The following HUWE1 variants were observed in gnomAD, a reference collection of about 807,000 sequenced individuals.
HUWE1 encodes E3 ubiquitin-protein ligase HUWE1.
A neutral mutation model predicts 299.4 loss-of-function variants in HUWE1; 18 were observed. The observed-to-expected ratio is 0.06, with a 90% CI of 0.04 to 0.09. The LOEUF is 0.09. Among genes scored for constraint, HUWE1 ranks in the 10% least tolerant of loss-of-function variants. The pLI is 1.00. For missense variants in HUWE1, 1,832 were observed against 3,462.3 expected, an observed-to-expected ratio of 0.53 and a Z score of 11.82; for synonymous variants, 1,317 against 1,286.1, an observed-to-expected ratio of 1.02 and a Z score of -0.51.
intron 32 of HUWE1, 56 bp from the exon 33 acceptor site, chrX:53,592,684 A>G: frequency 1.1e-6 from 1 of 891,108 alleles, no homozygotes; most frequent in Non-Finnish European, 1.6e-6. Flanking sequence ...CAAAGCTCAG[A>G]AGGATTAAGT....
intron 40 of HUWE1, 89 bp downstream of exon 40, chrX:53,584,923 G>A (rs1556971768): frequency 1.0e-6 from 1 of 983,509 alleles, no homozygotes; most frequent in African/African-American, 1.9e-5. Flanking sequence ...AAACCTCAAT[G>A]TGTGGTGTTG....
chrX:53,622,212 C>A (rs782173384), intron 19 of HUWE1, among the ~76,000 whole-genome samples: 2 of 111,369 alleles, frequency 1.8e-5, no homozygotes, highest in South Asian at 7.7e-4. Flanking sequence ...TACAATGATG[C>A]CCCCCTGTTG....
At chrX:53,612,245 G>A (rs2148782868) in intron 23 of HUWE1, among the ~76,000 whole-genome samples, 1 of 112,076 alleles carries the variant, frequency 8.9e-6, no homozygotes, top group Admixed American at 9.4e-5. Flanking sequence ...GTGAAAAAAT[G>A]TATGTGTCAA....
intron 51 of HUWE1, 51 bp downstream of exon 51, chrX:53,564,523 G>A (rs781987845): frequency 8.4e-7 from 1 of 1,195,806 alleles, no homozygotes; most frequent in Admixed American, 2.2e-5. Flanking sequence ...ACCTGGCAAG[G>A]GTTTGGTTCA....
At chrX:53,657,298 G>A (rs1344509786) in intron 3 of HUWE1, among the ~76,000 whole-genome samples, 1 of 112,118 alleles carries the variant, frequency 8.9e-6, no homozygotes, top group African/African-American at 3.2e-5. Flanking sequence ...AAAAGGCCAG[G>A]CGCAGTGGCT....
rs868928109 is a variant in HUWE1, at chrX:53,601,665, A to T, written c.2971+899T>A. On this transcript the variant is annotated intron_variant, in intron 28 of 83. Transcript: ENST00000262854. ...TGATTTCTACTTACTGAAATTTGGA[A>T]TTTTTTTTTTTTTTTTTCCTGAGGC... is the stretch of plus-strand genomic sequence containing the variant. 1.1e-4 allele frequency among the ~76,000 whole-genome samples: 10 copies of T among 93,747 alleles called. No individual in the cohort carries two copies. In the East Asian group the frequency reaches 1.7e-3, roughly 16 times the overall value. 81.4% of individuals were successfully genotyped at this position (93,747 alleles called of 115,157 possible).
In HUWE1 at chrX:53,605,640, G is replaced by C. The variant is rs1185506742; in HGVS notation, c.2497-806C>G. Among the ~76,000 whole-genome samples, 3 of 112,096 alleles carry C rather than the reference G, an allele frequency of 2.7e-5. No homozygotes were observed. In the Admixed American group the frequency reaches 2.8e-4, roughly 11 times the overall value. Reference sequence around the variant, plus strand: ...ATGCAATCACTATCAAAATTCCAATGCTGTTTTTTGTTTTGGTTTTGCAGA... The same window carrying C: ...ATGCAATCACTATCAAAATTCCAATCCTGTTTTTTGTTTTGGTTTTGCAGA... On this transcript the variant is annotated intron_variant, in intron 25 of 83. Transcript: ENST00000262854.
chrX:53,642,594 A>G, intron 7 of HUWE1, among the ~76,000 whole-genome samples: 1 of 112,044 alleles, frequency 8.9e-6, no homozygotes, highest in Non-Finnish European at 1.9e-5. Context: ...ACCCATGAGA[A>G]CCAGTCTACA....
intron 3 of HUWE1, among the ~76,000 whole-genome samples, chrX:53,663,593 A>G (rs1281040094): frequency 9.0e-6 from 1 of 111,488 alleles, no homozygotes; most frequent in African/African-American, 3.3e-5. Flanking sequence ...AAAGGTAAAT[A>G]AAGACACTAG....
chrX:53,535,551 G>T (rs1376414173), intron 80 of HUWE1, 50 bp from the exon 81 acceptor site: 1 of 826,312 alleles, frequency 1.2e-6, no homozygotes, highest in Middle Eastern at 2.8e-4. Flanking sequence ...ATCTAGGATG[G>T]GATTAGATAC....
intron 47 of HUWE1, 96 bp from the exon 48 acceptor site, chrX:53,569,923 A>G: frequency 1.3e-6 from 1 of 742,164 alleles, no homozygotes; most frequent in African/African-American, 2.1e-5. Flanking sequence ...GTATTTCCTT[A>G]AGTCACCCAA....
At chrX:53,595,045 T>C (rs1256297098) in intron 30 of HUWE1, 142 bp downstream of exon 30, 5 of 510,798 alleles carry the variant, frequency 9.8e-6, no homozygotes, top group Non-Finnish European at 3.3e-6. Flanking sequence ...AACAAGTAAC[T>C]TACACTTCAT....
intron 19 of HUWE1, among the ~76,000 whole-genome samples, chrX:53,621,968 A>C (rs1303078269): frequency 8.9e-6 from 1 of 112,394 alleles, no homozygotes; most frequent in East Asian, 2.8e-4. Flanking sequence ...GTGAGAAAGA[A>C]GAGAGGGGAG....
intron 2 of HUWE1, among the ~76,000 whole-genome samples, chrX:53,683,311 A>C (rs1480221740): frequency 9.0e-6 from 1 of 111,119 alleles, no homozygotes; most frequent in Non-Finnish European, 1.9e-5. Flanking sequence ...CAGTGACACT[A>C]CTGCTTGAAC....
At chrX:53,619,077 A>T (rs894275916) in intron 19 of HUWE1, among the ~76,000 whole-genome samples, 4 of 111,694 alleles carry the variant, frequency 3.6e-5, no homozygotes, top group Non-Finnish European at 7.5e-5. Context: ...GTTTATGGTG[A>T]TGCCTAAGAT....
chrX:53,632,582 C>G lies in HUWE1; in HGVS notation c.568-18G>C, dbSNP rs1490136861. 87 of 1,107,954 alleles carry G rather than the reference C, an allele frequency of 7.9e-5. No individual in the cohort carries two copies. Among genetic ancestry groups the G allele is most frequent in the Non-Finnish European group, 1.0e-4 (82 of 802,186 alleles). 91.3% of individuals were successfully genotyped at this position (1,107,954 alleles called of 1,213,427 possible). On this transcript the variant is annotated intron_variant, in intron 8 of 83. Transcript: ENST00000262854. ...GGATATTTCTGTGTATAAAGCACAT[C>G]AAAGAATCAGACATTGAGTTTCAAC...
In HUWE1 at chrX:53,595,297, G is replaced by C. The variant is rs1045016517; in HGVS notation, c.3270C>G (p.Thr1090=). 1 of 1,210,296 alleles carries C rather than the reference G, an allele frequency of 8.3e-7. No homozygotes were observed. Among genetic ancestry groups the C allele is most frequent in the Admixed American group, 2.2e-5 (1 of 45,924 alleles). The change falls in exon 30 of 84, where the codon ACC becomes ACG. Residue 1090 remains threonine (T), a synonymous_variant. Coordinates refer to ENST00000262854, the MANE Select transcript of HUWE1 (RefSeq NM_031407.7). Reference sequence around the variant, plus strand: ...GCGCGGCAGGTGTCGGTGCTGTAGTGGTGCTGGCAGCATGATGGCTCCTTC... The same window carrying C: ...GCGCGGCAGGTGTCGGTGCTGTAGTCGTGCTGGCAGCATGATGGCTCCTTC... ...RQRRSHHAAS[T]TTAPTPAARS...
rs868908450 is a variant in HUWE1 at position 53,625,879 on chromosome X, G to A, written c.1490-621C>T. 6 of 318,449 alleles carry A rather than the reference G, an allele frequency of 1.9e-5. 1 individual carries two copies. 26.2% of individuals were successfully genotyped at this position (318,449 alleles called of 1,213,427 possible). A position where few individuals can be genotyped will look rare whatever the true frequency, so the allele number is the denominator to read the frequency against. On this transcript the variant is annotated intron_variant, in intron 17 of 83. Transcript: ENST00000262854. ...GGGCCGGGGCCGGGGCCGGGGCCGG[G>A]GCCAGGGCCGGTGCCGGGGCCGGGA...
At chrX:53,591,930 G>A (rs1011084350) in intron 33 of HUWE1, among the ~76,000 whole-genome samples, 2 of 112,276 alleles carry the variant, frequency 1.8e-5, no homozygotes, top group African/African-American at 3.2e-5. Context: ...TGCTCTTTGA[G>A]ATGGAAGTGG....
Sources: allele counts gnomAD v4.1 joint callset (sites outside exome capture counted in the v4.1 genomes callset), GRCh38; gene constraint gnomAD v4.1.1; transcripts MANE v1.5; gene names NCBI Gene and HGNC (gene_info 2026-07-23, HGNC 2026-07-21).